Variants in ZFP2 observed in about 807,000 individuals in gnomAD.
ZFP2 encodes the protein ZFP2 zinc finger protein.
Under a neutral mutation model 36.1 loss-of-function variants are expected in ZFP2, and 33 were observed. The ratio of observed to expected loss-of-function variants is 0.92; its 90% confidence interval spans 0.69 to 1.22. The LOEUF (loss-of-function observed/expected upper bound fraction) is 1.22. Among genes scored for constraint, ZFP2 ranks in the 50% most tolerant of loss-of-function variants. The pLI, the probability that ZFP2 is intolerant of heterozygous loss-of-function variation, is 0.00. For synonymous variants in ZFP2, 170 were observed against 178.0 expected (o/e 0.96, Z 0.36); for missense variants, 522 against 551.4 (o/e 0.95, Z 0.53).
chr5:178,916,335 T>G (rs1312448522), intron 3 of ZFP2, among the ~76,000 whole-genome samples: 1 of 152,208 alleles, frequency 6.6e-6, no homozygotes, highest in East Asian at 1.9e-4. Flanking sequence ...TGAAGACTTT[T>G]AAGTACAGAC....
At chr5:178,910,121 G>A (rs2004503) in intron 1 of ZFP2, 744,513 of 1,461,732 alleles carry the variant, frequency 0.51, 190,679 homozygotes, top group Non-Finnish European at 0.52. Flanking sequence ...TTAAGAGGCT[G>A]GAGAACCGTG....
Position 178,932,513 on chromosome 5 carries a change from T to C in ZFP2, c.1200T>C (p.His400=). 1 of 1,614,096 alleles carries C rather than the reference T, an allele frequency of 6.2e-7. No individual in the cohort carries two copies. Among genetic ancestry groups the C allele is most frequent in the Non-Finnish European group, 8.5e-7 (1 of 1,180,020 alleles). ...AFSQSAYLIE[H]QRIHTGEKPY... Reference sequence around the variant, plus strand: ...GCCAGAGTGCTTACCTTATTGAACATCAAAGAATTCATACTGGTGAGAAAC... The same window carrying C: ...GCCAGAGTGCTTACCTTATTGAACACCAAAGAATTCATACTGGTGAGAAAC... The change falls in exon 5 of 5, where the codon CAT becomes CAC. Residue 400 remains histidine, a synonymous_variant. Coordinates refer to ENST00000361362, the MANE Select transcript of ZFP2 (RefSeq NM_030613.4).
chr5:178,905,207 T>A (rs1314835273), intron 1 of ZFP2, among the ~76,000 whole-genome samples: 1 of 152,240 alleles, frequency 6.6e-6, no homozygotes, highest in Non-Finnish European at 1.5e-5. Context: ...ATGTTTATTC[T>A]TCATATTAAG....
chr5:178,909,618 G>A, intron 1 of ZFP2: 1 of 1,282,578 alleles, frequency 7.8e-7, no homozygotes, highest in Admixed American at 3.0e-5. Context: ...AAACTATCCT[G>A]ATCTTCAGTA....
At position 178,932,215 on chromosome 5, in the gene ZFP2, A is replaced by G. The variant is rs1758865150; in HGVS notation, c.902A>G (p.Asn301Ser). 2 of 1,614,210 alleles carry G rather than the reference A, an allele frequency of 1.2e-6. No individual in the cohort carries two copies. The highest frequency in any genetic ancestry group is 8.5e-7 in the Non-Finnish European group (1 of 1,180,040). Residue 301 changes from asparagine (N) to serine (S), a missense_variant, in exon 5 of 5, where the codon AAC becomes AGC. By Grantham distance (46) the Asn-to-Ser change is conservative. Transcript: ENST00000361362. ...NHTGEKPYKCNKCGKSFSQST... is the reference protein window; with the variant it reads ...NHTGEKPYKCSKCGKSFSQST... ...ACTGGAGAAAAACCTTACAAATGTA[A>G]CAAATGCGGGAAATCCTTTAGCCAA... is the stretch of plus-strand genomic sequence containing the variant.
At chr5:178,930,617 G>A (rs992703593) in intron 4 of ZFP2, among the ~76,000 whole-genome samples, 9 of 151,900 alleles carry the variant, frequency 5.9e-5, no homozygotes, top group East Asian at 1.9e-4. Context: ...CACCACACCC[G>A]GGCTTGACCA....
chr5:178,912,671 GTGTA>G lies in ZFP2; in HGVS notation c.-359_-356del. Reference sequence around the variant, plus strand: ...AGCAGATTCTGCTCAGAGGATGACCGTGTATGGGGAGGTGATGCTGGAGAACTAC... The same window carrying G: ...AGCAGATTCTGCTCAGAGGATGACCGTGGGGAGGTGATGCTGGAGAACTAC... On this transcript the variant is annotated 5_prime_UTR_variant, in exon 2 of 5. An upstream start codon of the reference 5' UTR is lost. Coordinates refer to ENST00000361362, the MANE Select transcript of ZFP2 (RefSeq NM_030613.4). 1.9e-6 allele frequency: 2 copies of G among 1,062,886 alleles called. No individual in the cohort carries two copies. The highest frequency in any genetic ancestry group is 2.3e-6 in the Non-Finnish European group (2 of 863,244). 65.8% of individuals were successfully genotyped at this position (1,062,886 alleles called of 1,614,324 possible).
At chr5:178,923,401 C>T (rs1420002110) in intron 4 of ZFP2, among the ~76,000 whole-genome samples, 1 of 149,626 alleles carries the variant, frequency 6.7e-6, no homozygotes, top group Non-Finnish European at 1.5e-5. Context: ...TTTGTCTTTT[C>T]GTGACTGGCT....
chr5:178,902,214 C>T (rs1448107212), intron 1 of ZFP2, among the ~76,000 whole-genome samples: 1 of 152,120 alleles, frequency 6.6e-6, no homozygotes, highest in African/African-American at 2.4e-5. Flanking sequence ...TGTATACACA[C>T]ACATGTTTGT....
At chr5:178,896,941 A>C (rs1757957051) in intron 1 of ZFP2, among the ~76,000 whole-genome samples, 1 of 152,192 alleles carries the variant, frequency 6.6e-6, no homozygotes, top group African/African-American at 2.4e-5. Context: ...CTTATACCAG[A>C]TTTTAAATAG....
At chr5:178,924,098 G>T (rs924354439) in intron 4 of ZFP2, among the ~76,000 whole-genome samples, 2 of 149,146 alleles carry the variant, frequency 1.3e-5, no homozygotes, top group Non-Finnish European at 3.0e-5. Context: ...CCTACGCAAG[G>T]TGTGGTGGCT....
intron 1 of ZFP2, among the ~76,000 whole-genome samples, chr5:178,907,249 G>A (rs1195907074): frequency 6.6e-6 from 1 of 152,040 alleles, no homozygotes; most frequent in East Asian, 1.9e-4. Flanking sequence ...TTTATACATT[G>A]AAGGCAGCTC....
At chr5:178,924,354 CAG>C (rs1315003007) in intron 4 of ZFP2, among the ~76,000 whole-genome samples, 2 of 120,142 alleles carry the variant, frequency 1.7e-5, no homozygotes, top group Non-Finnish European at 3.6e-5. Context: ...GCCTGCATGA[CAG>C]AGAGAGACTC....
intron 1 of ZFP2, among the ~76,000 whole-genome samples, chr5:178,906,564 AT>A (rs869289531): frequency 3.5e-5 from 5 of 143,084 alleles, no homozygotes; most frequent in Admixed American, 2.8e-4. Context: ...TTATTTATTT[AT>A]TTTTTTTTGA....
At chr5:178,916,850 C>T (rs1332047543) in intron 4 of ZFP2, 140 bp downstream of exon 4, 3 of 576,468 alleles carry the variant, frequency 5.2e-6, no homozygotes, top group Non-Finnish European at 6.6e-6. Context: ...CTTCCCTTGC[C>T]CTGCTGTGTT....
intron 1 of ZFP2, among the ~76,000 whole-genome samples, chr5:178,896,396 G>A (rs1757940793): frequency 1.3e-5 from 2 of 151,914 alleles, no homozygotes; most frequent in South Asian, 4.2e-4. Context: ...CCCGGGACAC[G>A]CTGCGACCGT....
chr5:178,926,462 C>A (rs1242092158), intron 4 of ZFP2, among the ~76,000 whole-genome samples: 6 of 152,052 alleles, frequency 3.9e-5, no homozygotes. Flanking sequence ...GGCTGGCTGA[C>A]CCCTGTACAG....
At chr5:178,900,430 C>T (rs1383969525) in intron 1 of ZFP2, among the ~76,000 whole-genome samples, 1 of 70,690 alleles carries the variant, frequency 1.4e-5, no homozygotes, top group Admixed American at 1.4e-4. Flanking sequence ...CTCCATGTCC[C>T]CCACCCCAGC....
chr5:178,922,548 G>A (rs1196682948), intron 4 of ZFP2: 1 of 1,456,140 alleles, frequency 6.9e-7, no homozygotes, highest in Non-Finnish European at 9.7e-7. Context: ...GCAATGTCTA[G>A]TTTTGTAGGA....
Sources: gnomAD v4.1 joint callset for allele counts (sites outside exome capture counted in the v4.1 genomes callset) on GRCh38, gnomAD v4.1.1 for gene constraint, MANE v1.5 for transcripts, NCBI Gene and HGNC (gene_info 2026-07-23, HGNC 2026-07-21) for gene names.